Variants in ZNF621 observed in about 807,000 individuals in gnomAD.
ZNF621 encodes the protein zinc finger protein 621.
A neutral mutation model predicts 12.7 loss-of-function variants in ZNF621; 6 were observed. The ratio of observed to expected loss-of-function variants is 0.47; its 90% CI spans 0.26 to 0.93. ZNF621 has a LOEUF of 0.93. Among genes scored for constraint, ZNF621 ranks in the 40% least tolerant of loss-of-function variants. ZNF621 has a pLI of 0.15. For missense variants in ZNF621, 474 were observed against 524.0 expected (o/e 0.90, Z 0.93); for synonymous variants, 156 against 190.3 (o/e 0.82, Z 1.48).
Position 40,532,130 on chromosome 3 carries a change from C to G in ZNF621, c.360C>G (p.Asn120Lys). 2 of 1,614,118 alleles carry G rather than the reference C, an allele frequency of 1.2e-6. No homozygotes were observed. Among genetic ancestry groups the G allele is most frequent in the Non-Finnish European group, 1.7e-6 (2 of 1,180,020 alleles). The stretch of plus-strand genomic sequence containing the variant: ...TGCCAGTAGGAGGACTTCTCAGGAA[C>G]GTTTCTCAGCACTTTGATTTTAAAA... The part of the protein sequence containing the change: ...HRMPVGGLLR[N>K]VSQHFDFKRK... Residue 120 changes from asparagine to lysine, a missense_variant, in exon 5 of 5, where the codon AAC becomes AAG. Transcript: ENST00000339296.
chr3:40,532,550 G>A lies in ZNF621; in HGVS notation c.780G>A (p.Glu260=), dbSNP rs1365533830. ...AGCATCAGAGATTACACACGGGAGA[G>A]AAACTCTATAAATGTAAGGAATGTT... ...YLQHQRLHTG[E]KLYKCKECWK... is the part of the protein sequence containing the mutation. The change falls in exon 5 of 5, where the codon GAG becomes GAA. Residue 260 remains glutamate (E), a synonymous_variant. Transcript: ENST00000339296. The A allele has an allele frequency of 1.9e-6, 3 of 1,614,026 alleles. No individual in the cohort carries two copies. The African/African-American group carries it at 4.0e-5, about 22-fold the overall frequency.
rs527706370 is a variant in ZNF621 at position 40,533,038 on chromosome 3, C to T, written c.1268C>T (p.Pro423Leu). The T allele has an allele frequency of 6.4e-7, 1 of 1,551,742 alleles. No homozygotes were observed. The highest frequency in any genetic ancestry group is 1.2e-5 in the South Asian group (1 of 84,058). Residue 423 changes from proline (P) to leucine (L), a missense_variant, in exon 5 of 5, where the codon CCC (proline) becomes CTC (leucine). By Grantham distance (98) the Pro-to-Leu change is moderately conservative. Coordinates refer to ENST00000339296, the MANE Select transcript of ZNF621 (RefSeq NM_198484.5). Reference protein sequence around the residue: ...QIVRVFQGLTPTVKPSPVILT... With the variant: ...QIVRVFQGLTLTVKPSPVILT... ...GTGCGTGTCTTCCAGGGTCTTACTC[C>T]CACTGTGAAACCTTCCCCAGTTATT...
In ZNF621 at chr3:40,533,268, A is replaced by G. The variant is rs529063529; in HGVS notation, c.*178A>G. 58 of 1,046,384 alleles carry G rather than the reference A, an allele frequency of 5.5e-5. No homozygotes were observed. Among genetic ancestry groups the G allele is most frequent in the Non-Finnish European group, 7.3e-5 (55 of 752,794 alleles). 64.8% of individuals were successfully genotyped at this position (1,046,384 alleles called of 1,614,324 possible). On this transcript the variant is annotated 3_prime_UTR_variant, in exon 5 of 5. Coordinates refer to ENST00000339296, the MANE Select transcript of ZNF621 (RefSeq NM_198484.5). ...CGATTCTCCTCCTTCAGACTCTCGA[A>G]TAGCTGGGATTACAGGCACGCCTCA...
At position 40,533,228 on chromosome 3, in the gene ZNF621, C is replaced by G. The variant is rs1040268716; in HGVS notation, c.*138C>G. 10 of 1,373,448 alleles carry G rather than the reference C, an allele frequency of 7.3e-6. No homozygotes were observed. The South Asian group carries it at 1.1e-4, about 15-fold the overall frequency. The allele number at this position is 1,373,448 out of a possible 1,614,324, so 85.1% of individuals were successfully genotyped here. On this transcript the variant is annotated 3_prime_UTR_variant, in exon 5 of 5. Coordinates refer to ENST00000339296, the MANE Select transcript of ZNF621 (RefSeq NM_198484.5). ...TGATCTTGGCTCACTGCAACCTCCC[C>G]CTCCTGGGTTCAAGCGATTCTCCTC...
In ZNF621 at chr3:40,538,098, C is replaced by T. The variant is rs1231098303; in HGVS notation, c.*5008C>T. Among the ~76,000 whole-genome samples, 2 of 152,344 alleles carry T rather than the reference C, an allele frequency of 1.3e-5. No homozygotes were observed. The highest frequency in any genetic ancestry group is 3.9e-4 in the East Asian group (2 of 5,190). On this transcript the variant is annotated 3_prime_UTR_variant, in exon 5 of 5. Transcript: ENST00000339296. ...AATCCTAGGGCCCATAAGAATTATG[C>T]TAAATCCACTCTGCCTGTGCTCTAG... is the stretch of plus-strand genomic sequence containing the variant.
At position 40,536,690 on chromosome 3, in the gene ZNF621, CA is replaced by C. The variant is rs1415725089; in HGVS notation, c.*3603del. 8.5e-5 allele frequency: 13 copies of C among 152,124 alleles called. No individual in the cohort carries two copies. Among genetic ancestry groups the C allele is most frequent in the Admixed American group, 2.6e-4 (4 of 15,270 alleles). The allele number at this position is 152,124 out of a possible 1,614,324, so 9.4% of individuals were successfully genotyped here. A position where few individuals can be genotyped will look rare whatever the true frequency, so the allele number is the denominator to read the frequency against. ...TAAAATATAATGAATTAATGATTAT[CA>C]AAGTACAGGCATACCTCATTTTATT... On this transcript the variant is annotated 3_prime_UTR_variant, in exon 5 of 5. Transcript: ENST00000339296.
Position 40,530,335 on chromosome 3 carries a change from T to TG in ZNF621, c.259+21dup, listed in dbSNP as rs1559557872. 6.3e-7 allele frequency: 1 copy of TG among 1,599,854 alleles called. No homozygotes were observed. The highest frequency in any genetic ancestry group is 8.6e-7 in the Non-Finnish European group (1 of 1,169,226). On this transcript the variant is annotated intron_variant, in intron 4 of 4. Coordinates refer to ENST00000339296, the MANE Select transcript of ZNF621 (RefSeq NM_198484.5). ...AGTCAAGGTGAGTATGAGAATCCAGTGGTGAAGTTTCTTGTTTTGCCTTCC... is the reference window on the plus strand; with the variant it reads ...AGTCAAGGTGAGTATGAGAATCCAGTGGGTGAAGTTTCTTGTTTTGCCTTCC...
Position 40,526,430 on chromosome 3 carries a change from C to T in ZNF621, c.24+566C>T, listed in dbSNP as rs527350385. On this transcript the variant is annotated intron_variant, in intron 2 of 4. Transcript: ENST00000339296. ...CAGGTGATCCACCCGCTTCGGCTTC[C>T]CAAAGTGCTGGGATTATAGGCATGA... 1.4e-3 allele frequency among the ~76,000 whole-genome samples: 215 copies of T among 152,320 alleles called. 2 individuals are homozygous for T. The highest frequency in any genetic ancestry group is 6.8e-3 in the Middle Eastern group (2 of 294).
intron 2 of ZNF621, among the ~76,000 whole-genome samples, chr3:40,528,431 G>A (rs1698638112): frequency 1.3e-5 from 2 of 152,184 alleles, no homozygotes; most frequent in South Asian, 4.1e-4. Flanking sequence ...TTTTGGCGAT[G>A]ATGAATAAAA....
rs2125678960 is a variant in ZNF621, at chr3:40,534,348, G to T, written c.*1258G>T. 2 of 152,156 alleles carry T rather than the reference G, an allele frequency of 1.3e-5. No individual in the cohort carries two copies. Among genetic ancestry groups the T allele is most frequent in the Middle Eastern group, 6.8e-3 (2 of 294 alleles). 9.4% of individuals were successfully genotyped at this position (152,156 alleles called of 1,614,324 possible). ...GGTTGCTCTTGGAAGTGGCCTTGATGAGGATCCTTTACAACTATTCAGAGG... is the reference window on the plus strand; with the variant it reads ...GGTTGCTCTTGGAAGTGGCCTTGATTAGGATCCTTTACAACTATTCAGAGG... On this transcript the variant is annotated 3_prime_UTR_variant, in exon 5 of 5. Transcript: ENST00000339296.
chr3:40,525,544 A>G, intron 1 of ZNF621: 1 of 592,076 alleles, frequency 1.7e-6, no homozygotes, highest in South Asian at 2.0e-5. Context: ...GTTTACCCGT[A>G]CGAATGGGCT....
At chr3:40,529,170 C>T in intron 2 of ZNF621, 149 bp from the exon 3 acceptor site, 1 of 876,160 alleles carries the variant, frequency 1.1e-6, no homozygotes. Context: ...TCGCCCCTGG[C>T]TGTGGTGGTG....
chr3:40,532,913 G>A lies in ZNF621; in HGVS notation c.1143G>A (p.Val381=), dbSNP rs1314424713. ...CCTGTTCTGCTTCAGCCGTAGCTGT[G>A]CCTTCACTGACCTTTCCACATGCTG... ...QGSCSASAVA[V]PSLTFPHAVL... The change falls in exon 5 of 5, where the codon GTG becomes GTA. Residue 381 remains valine (V), a synonymous_variant. Transcript: ENST00000339296. 7 of 1,576,880 alleles carry A rather than the reference G, an allele frequency of 4.4e-6. No homozygotes were observed. Among genetic ancestry groups the A allele is most frequent in the Non-Finnish European group, 6.0e-6 (7 of 1,161,078 alleles).
In ZNF621 at chr3:40,537,012, C is replaced by T. The variant is rs1194666050; in HGVS notation, c.*3922C>T. 1 of 152,226 alleles carries T rather than the reference C, an allele frequency of 6.6e-6. No individual in the cohort carries two copies. The highest frequency in any genetic ancestry group is 1.5e-5 in the Non-Finnish European group (1 of 68,060). 9.4% of individuals were successfully genotyped at this position (152,226 alleles called of 1,614,324 possible). A position where few individuals can be genotyped will look rare whatever the true frequency, so the allele number is the denominator to read the frequency against. Reference sequence around the variant, plus strand: ...GTGTGTGTTCTGATTACTCCACTAACTGATGGTTCCCCATCTCTCTCCCTC... The same window carrying T: ...GTGTGTGTTCTGATTACTCCACTAATTGATGGTTCCCCATCTCTCTCCCTC... On this transcript the variant is annotated 3_prime_UTR_variant, in exon 5 of 5. Coordinates refer to ENST00000339296, the MANE Select transcript of ZNF621 (RefSeq NM_198484.5).
Position 40,538,408 on chromosome 3 carries a change from G to T in ZNF621, c.*5318G>T. The T allele has an allele frequency of 4.9e-6, 1 of 203,304 alleles. No individual in the cohort carries two copies. The highest frequency in any genetic ancestry group is 5.4e-5 in the South Asian group (1 of 18,404). The allele number at this position is 203,304 out of a possible 1,614,324, so 12.6% of individuals were successfully genotyped here. A position where few individuals can be genotyped will look rare whatever the true frequency, so the allele number is the denominator to read the frequency against. On this transcript the variant is annotated 3_prime_UTR_variant, in exon 5 of 5. Coordinates refer to ENST00000339296, the MANE Select transcript of ZNF621 (RefSeq NM_198484.5). ...TGTGCCTGTAATCCCAGCTACTTGGGAGGCTGAGGCAGGAGAATTGCTTGA... is the reference window on the plus strand; with the variant it reads ...TGTGCCTGTAATCCCAGCTACTTGGTAGGCTGAGGCAGGAGAATTGCTTGA...
rs566865887 is a variant in ZNF621 at position 40,537,234 on chromosome 3, A to G, written c.*4144A>G. 8.5e-4 allele frequency: 130 copies of G among 152,370 alleles called. 1 individual carries two copies. The highest frequency in any genetic ancestry group is 3.1e-3 in the African/African-American group (128 of 41,590). 9.4% of individuals were successfully genotyped at this position (152,370 alleles called of 1,614,324 possible). ...GGCCAAAAGCTAGACTGCTTCTGCC[A>G]AACAGTCAAGTTGTGAATGCAAAAG... On this transcript the variant is annotated 3_prime_UTR_variant, in exon 5 of 5. Transcript: ENST00000339296.
At chr3:40,530,388 ATGC>A in intron 4 of ZNF621, 72 bp downstream of exon 4, 1 of 1,223,618 alleles carries the variant, frequency 8.2e-7, no homozygotes, top group Non-Finnish European at 1.2e-6. Context: ...AGTGTTTCTT[ATGC>A]TGCAGGGTAC....
intron 3 of ZNF621, 149 bp downstream of exon 3, chr3:40,529,594 C>T (rs756828691): frequency 4.5e-6 from 7 of 1,545,092 alleles, no homozygotes; most frequent in Non-Finnish European, 6.1e-6. Flanking sequence ...ATCCTTGGTT[C>T]TCTTTGTTTT....
At chr3:40,523,633 CG>C (rs936332589), upstream of ZNF621, among the ~76,000 whole-genome samples, 5 of 152,046 alleles carry the variant, frequency 3.3e-5, no homozygotes, top group East Asian at 9.7e-4. Flanking sequence ...GGCGTGGTGG[CG>C]GGGTGCCTGT....
Sources: gnomAD v4.1 joint callset for allele counts (sites outside exome capture counted in the v4.1 genomes callset) on GRCh38, gnomAD v4.1.1 for gene constraint, MANE v1.5 for transcripts, NCBI Gene and HGNC (gene_info 2026-07-23, HGNC 2026-07-21) for gene names.